COL17A1: variants seen among roughly 807,000 people sequenced by gnomAD.
The protein encoded by COL17A1 is collagen alpha-1(XVII) chain.
In COL17A1, 181 loss-of-function variants were observed where a neutral mutation model predicts 218.4. The observed-to-expected ratio is 0.83, with a 90% CI of 0.73 to 0.94. The LOEUF (loss-of-function observed/expected upper bound fraction) is 0.94, where lower values mean the gene tolerates loss of function less well. Among genes scored for constraint, COL17A1 ranks in the 40% least tolerant of loss-of-function variants. COL17A1 has a pLI of 0.00. For synonymous variants in COL17A1, 721 were observed against 731.0 expected (o/e 0.99, Z 0.22); for missense variants, 1,924 against 1,945.9 (o/e 0.99, Z 0.21).
At chr10:104,077,400 T>A (rs747304766) in intron 4 of COL17A1, 22 bp downstream of exon 4, 1 of 1,590,042 alleles carries the variant, frequency 6.3e-7, no homozygotes, top group South Asian at 1.1e-5. Flanking sequence ...TTCCCTGACC[T>A]CTTGCACTAG....
chr10:104,058,321 G>C (rs1326407648), intron 15 of COL17A1, 131 bp from the exon 16 acceptor site: 1 of 1,097,780 alleles, frequency 9.1e-7, no homozygotes, highest in Non-Finnish European at 1.3e-6. Context: ...GGAACATCCA[G>C]CATCTCAGTC....
intron 41 of COL17A1, 127 bp downstream of exon 41, chr10:104,039,846 G>T: frequency 7.2e-7 from 1 of 1,389,110 alleles, no homozygotes; most frequent in Non-Finnish European, 1.0e-6. Flanking sequence ...CATTCCTAGA[G>T]AAACACTGCT....
At chr10:104,036,241 T>A (rs1207232747) in intron 48 of COL17A1, among the ~76,000 whole-genome samples, 2 of 150,018 alleles carry the variant, frequency 1.3e-5, no homozygotes, top group South Asian at 4.2e-4. Flanking sequence ...GGAGTGTGTG[T>A]GAGAGAGAGA....
intron 33 of COL17A1, among the ~76,000 whole-genome samples, chr10:104,044,659 G>A (rs1392856961): frequency 6.6e-6 from 1 of 152,182 alleles, no homozygotes; most frequent in East Asian, 1.9e-4. Context: ...GACGGGAGAA[G>A]CACTTGAGTT....
At position 104,032,950 on chromosome 10, in the gene COL17A1, C is replaced by T. The variant is rs1844708418; in HGVS notation, c.4313G>A (p.Gly1438Glu). 1.9e-6 allele frequency: 3 copies of T among 1,614,072 alleles called. No individual in the cohort carries two copies. Among genetic ancestry groups the T allele is most frequent in the Non-Finnish European group, 2.5e-6 (3 of 1,179,982 alleles). The change falls in exon 54 of 56, where the codon GGA (glycine) becomes GAA (glutamate). Residue 1438 changes from glycine (G) to glutamate (E), a missense_variant. Transcript: ENST00000648076. Reference protein sequence around the residue: ...DFFQTYGAIQGPPGQKGEMGT... With the variant: ...DFFQTYGAIQEPPGQKGEMGT... ...CATCTCTCCTTTTTGCCCAGGGGGTCCTTGAATGGCTCCATAAGCTGCAAA... is the reference window on the plus strand; with the variant it reads ...CATCTCTCCTTTTTGCCCAGGGGGTTCTTGAATGGCTCCATAAGCTGCAAA...
In COL17A1 at chr10:104,034,609, C is replaced by A. The variant is rs369232327; in HGVS notation, c.3766+12G>T. ...GGGGTGCCTGGTGGGGCATCACCGTCGGGGCACCTACTTGTGAGGTAGCTG... is the reference window on the plus strand; with the variant it reads ...GGGGTGCCTGGTGGGGCATCACCGTAGGGGCACCTACTTGTGAGGTAGCTG... On this transcript the variant is annotated intron_variant, in intron 51 of 55. Transcript: ENST00000648076. 9.5e-5 allele frequency: 152 copies of A among 1,608,010 alleles called. No homozygotes were observed. The African/African-American group carries it at 1.7e-3, about 18-fold the overall frequency.
chr10:104,076,907 C>T (rs2086715841), intron 4 of COL17A1, among the ~76,000 whole-genome samples: 3 of 152,264 alleles, frequency 2.0e-5, no homozygotes, highest in South Asian at 2.1e-4. Context: ...AAGAGTGCTT[C>T]ACTGGGAACA....
Position 104,032,045 on chromosome 10 carries a change from A to G in COL17A1, c.*190T>C. The G allele has an allele frequency of 1.6e-6, 1 of 626,658 alleles. No homozygotes were observed. Among genetic ancestry groups the G allele is most frequent in the Non-Finnish European group, 2.9e-6 (1 of 349,000 alleles). The allele number at this position is 626,658 out of a possible 1,614,324, so 38.8% of individuals were successfully genotyped here. On this transcript the variant is annotated 3_prime_UTR_variant, in exon 56 of 56. Transcript: ENST00000648076. ...AGAGTCCACCCCATGAAGCTGTTTC[A>G]GATTGTGTATCTTTGACTGAATTCT...
chr10:104,033,051 A>C, intron 53 of COL17A1, 83 bp from the exon 54 acceptor site: 2 of 1,552,300 alleles, frequency 1.3e-6, no homozygotes, highest in Non-Finnish European at 1.8e-6. Flanking sequence ...AGAGTAACAC[A>C]GAGAGATAGT....
At chr10:104,081,223 G>T (rs1589580398) in intron 1 of COL17A1, among the ~76,000 whole-genome samples, 1 of 152,156 alleles carries the variant, frequency 6.6e-6, no homozygotes, top group Non-Finnish European at 1.5e-5. Flanking sequence ...TGTCGTACTT[G>T]TATGGAACTT....
chr10:104,035,972 GTGTT>G (rs1462988167), intron 48 of COL17A1, among the ~76,000 whole-genome samples: 1 of 138,268 alleles, frequency 7.2e-6, no homozygotes, highest in East Asian at 2.1e-4. Context: ...GTATGGGAGT[GTGTT>G]TATGGGAATG....
At position 104,053,094 on chromosome 10, in the gene COL17A1, C is replaced by T. The variant is rs747959129; in HGVS notation, c.1876G>A (p.Glu626Lys). ...MEGPMGQRGR[E>K]GPMGPRGEAG... ...TCACCACGAGGTCCCATGGGGCCTTCTCGCCCTCTCTGGCCCATGGGGCCT... is the reference window on the plus strand; with the variant it reads ...TCACCACGAGGTCCCATGGGGCCTTTTCGCCCTCTCTGGCCCATGGGGCCT... The change falls in exon 23 of 56, where the codon GAA (glutamate) becomes AAA (lysine). Residue 626 changes from glutamate to lysine, a missense_variant. Coordinates refer to ENST00000648076, the MANE Select transcript of COL17A1 (RefSeq NM_000494.4). The T allele has an allele frequency of 3.1e-6, 5 of 1,613,924 alleles. No homozygotes were observed. The Admixed American group carries it at 8.3e-5, about 27-fold the overall frequency.
At chr10:104,034,372 C>T in intron 51 of COL17A1, 38 bp from the exon 52 acceptor site, 1 of 1,532,604 alleles carries the variant, frequency 6.5e-7, no homozygotes, top group Non-Finnish European at 8.7e-7. Flanking sequence ...GAGCTCAGAT[C>T]TCGGTGGAGA....
At chr10:104,040,518 T>A (rs1033809995) in intron 39 of COL17A1, 108 bp from the exon 40 acceptor site, 4 of 749,476 alleles carry the variant, frequency 5.3e-6, no homozygotes, top group Non-Finnish European at 9.5e-6. Context: ...TGTCAAATAG[T>A]TGGATGGGTG....
At chr10:104,072,402 C>A (rs559228461) in intron 7 of COL17A1, among the ~76,000 whole-genome samples, 189 of 152,294 alleles carry the variant, frequency 1.2e-3, no homozygotes, top group South Asian at 4.8e-3. Flanking sequence ...CTGCCAGAAC[C>A]AAGGTTCTCT....
chr10:104,053,998 G>A lies in COL17A1; in HGVS notation c.1772-16C>T. ...CCAGGGATACCTGTGAACACACAAG[G>A]ATATCTCAGCCCCTGTTTTCCTCCC... On this transcript the variant is annotated splice_polypyrimidine_tract_variant and intron_variant, in intron 21 of 55. Transcript: ENST00000648076. 2 of 1,612,340 alleles carry A rather than the reference G, an allele frequency of 1.2e-6. No homozygotes were observed. Among genetic ancestry groups the A allele is most frequent in the Non-Finnish European group, 8.5e-7 (1 of 1,178,356 alleles).
In COL17A1 at chr10:104,037,523, C is replaced by T. The variant is rs1174261880; in HGVS notation, c.3208+113G>A. On this transcript the variant is annotated intron_variant, in intron 46 of 55. Coordinates refer to ENST00000648076, the MANE Select transcript of COL17A1 (RefSeq NM_000494.4). ...GATTATTATGAATTCGGAATTAAAA[C>T]TCATGTTCCAGAGAAGGGCAAAGCA... 1.8e-5 allele frequency: 25 copies of T among 1,358,132 alleles called. No individual in the cohort carries two copies. In the Admixed American group the frequency reaches 4.2e-4, roughly 23 times the overall value. The allele number at this position is 1,358,132 out of a possible 1,614,324, so 84.1% of individuals were successfully genotyped here.
chr10:104,052,088 T>C, intron 24 of COL17A1, 67 bp downstream of exon 24: 1 of 1,609,574 alleles, frequency 6.2e-7, no homozygotes. Flanking sequence ...GCCTCTTCTC[T>C]GTGATCCATC....
chr10:104,036,430 C>A, intron 48 of COL17A1, 62 bp downstream of exon 48: 10 of 1,609,598 alleles, frequency 6.2e-6, no homozygotes, highest in African/African-American at 1.3e-5. Flanking sequence ...GAAGTTCACG[C>A]TGCGAGTCCT....
Sources: gnomAD v4.1 joint callset for allele counts (sites outside exome capture counted in the v4.1 genomes callset) on GRCh38, gnomAD v4.1.1 for gene constraint, MANE v1.5 for transcripts, NCBI Gene and HGNC (gene_info 2026-07-23, HGNC 2026-07-21) for gene names.